The following GRID2 variants were observed in gnomAD, a reference collection of about 807,000 sequenced individuals.
GRID2 encodes glutamate ionotropic receptor delta type subunit 2.
In GRID2, 33 loss-of-function variants were observed where a neutral mutation model predicts 114.8. The ratio of observed to expected loss-of-function variants is 0.29; its 90% CI spans 0.22 to 0.38. GRID2 has a LOEUF of 0.38. GRID2 is among the 10% of genes least tolerant of loss of function. The pLI, the probability that GRID2 is intolerant of heterozygous loss-of-function variation, is 1.00. For synonymous variants in GRID2, 505 were observed against 449.9 expected (o/e 1.12, Z -1.55); for missense variants, 1,184 against 1,257.7 (o/e 0.94, Z 0.89).
chr4:93,191,066 G>T (rs933838112), intron 4 of GRID2, among the ~76,000 whole-genome samples: 9 of 151,980 alleles, frequency 5.9e-5, no homozygotes, highest in African/African-American at 2.2e-4. Context: ...AAAAATTTCA[G>T]ATAAAGTTGA....
At chr4:92,661,430 C>A (rs1732514704) in intron 2 of GRID2, among the ~76,000 whole-genome samples, 1 of 150,798 alleles carries the variant, frequency 6.6e-6, no homozygotes, top group Admixed American at 6.6e-5. Flanking sequence ...AATGAAACAG[C>A]TTTACCATAA....
intron 2 of GRID2, among the ~76,000 whole-genome samples, chr4:92,783,507 A>T (rs1023817781): frequency 2.0e-5 from 3 of 152,124 alleles, no homozygotes; most frequent in African/African-American, 4.8e-5. Flanking sequence ...AATATTAAGA[A>T]TATCAAATCA....
intron 2 of GRID2, among the ~76,000 whole-genome samples, chr4:92,698,059 T>C (rs1430675450): frequency 6.6e-6 from 1 of 152,164 alleles, no homozygotes; most frequent in South Asian, 2.1e-4. Context: ...AAATGCATAG[T>C]AACAAACCTC....
intron 2 of GRID2, among the ~76,000 whole-genome samples, chr4:92,870,619 A>T (rs371556944): frequency 2.0e-5 from 3 of 152,122 alleles, no homozygotes; most frequent in Non-Finnish European, 4.4e-5. Flanking sequence ...AACAGGAATT[A>T]TTTTAAAAAG....
intron 2 of GRID2, among the ~76,000 whole-genome samples, chr4:92,908,428 T>C (rs1354563957): frequency 6.6e-6 from 1 of 152,008 alleles, no homozygotes; most frequent in South Asian, 2.1e-4. Context: ...AAAAGCAAGA[T>C]AGAGCTTTCT....
intron 14 of GRID2, among the ~76,000 whole-genome samples, chr4:93,687,667 T>G (rs1260252245): frequency 6.6e-6 from 1 of 151,848 alleles, no homozygotes; most frequent in Non-Finnish European, 1.5e-5. Flanking sequence ...TTGGGGAGAA[T>G]AGTGAGGATA....
chr4:93,361,218 G>A (rs901535059), intron 8 of GRID2, among the ~76,000 whole-genome samples: 1 of 152,008 alleles, frequency 6.6e-6, no homozygotes, highest in Non-Finnish European at 1.5e-5. Flanking sequence ...GTTGAGTGAA[G>A]CAGAGGGAAT....
At chr4:92,982,513 C>T (rs1205323464) in intron 2 of GRID2, among the ~76,000 whole-genome samples, 2 of 152,064 alleles carry the variant, frequency 1.3e-5, no homozygotes, top group Non-Finnish European at 2.9e-5. Flanking sequence ...CCCATTTTAT[C>T]AGTTTACACA....
chr4:92,576,674 G>C (rs1160709100), intron 1 of GRID2, among the ~76,000 whole-genome samples: 1 of 152,160 alleles, frequency 6.6e-6, no homozygotes, highest in Non-Finnish European at 1.5e-5. Context: ...TCAGACACTG[G>C]TGGCATGGGC....
At chr4:93,777,406 C>T (rs186931391), downstream of GRID2, among the ~76,000 whole-genome samples, 41 of 152,248 alleles carry the variant, frequency 2.7e-4, no homozygotes, top group Admixed American at 7.2e-4. Context: ...TCTTGACTTG[C>T]TACAATTTAG....
chr4:93,527,146 A>T (rs1730992018), intron 13 of GRID2, among the ~76,000 whole-genome samples: 1 of 152,140 alleles, frequency 6.6e-6, no homozygotes, highest in Admixed American at 6.5e-5. Flanking sequence ...TCAACTGCTA[A>T]ATTCAATTCT....
intron 2 of GRID2, among the ~76,000 whole-genome samples, chr4:93,068,882 G>T (rs769947350): frequency 6.6e-6 from 1 of 152,082 alleles, no homozygotes; most frequent in South Asian, 2.1e-4. Context: ...TTGGCTCATG[G>T]TTCTGCAGGC....
chr4:93,036,504 A>C (rs183567656), intron 2 of GRID2, among the ~76,000 whole-genome samples: 3 of 152,314 alleles, frequency 2.0e-5, no homozygotes, highest in Admixed American at 6.5e-5. Flanking sequence ...CATATTAATG[A>C]AAATCAAAAT....
At chr4:92,607,713 G>C (rs1729526406) in intron 2 of GRID2, among the ~76,000 whole-genome samples, 1 of 151,852 alleles carries the variant, frequency 6.6e-6, no homozygotes, top group Non-Finnish European at 1.5e-5. Flanking sequence ...GGTCTTACAA[G>C]ATGTGATCAG....
At chr4:92,504,875 C>T (rs1426469967) in intron 1 of GRID2, among the ~76,000 whole-genome samples, 1 of 151,702 alleles carries the variant, frequency 6.6e-6, no homozygotes, top group African/African-American at 2.4e-5. Flanking sequence ...CTACATGAGC[C>T]AATAATATTC....
At chr4:93,625,124 G>A (rs115602887) in intron 13 of GRID2, among the ~76,000 whole-genome samples, 3,792 of 152,284 alleles carry the variant, frequency 0.025, 171 homozygotes, top group African/African-American at 0.087. Flanking sequence ...AGTTGTACTT[G>A]CAGCTTTCAT....
At chr4:93,713,757 A>G (rs1728681366) in intron 14 of GRID2, among the ~76,000 whole-genome samples, 8 of 152,076 alleles carry the variant, frequency 5.3e-5, no homozygotes, top group Admixed American at 4.6e-4. Context: ...TGAATGTCCT[A>G]ATTTACTAGT....
chr4:93,546,249 C>G (rs140360900), intron 13 of GRID2, among the ~76,000 whole-genome samples: 5 of 152,068 alleles, frequency 3.3e-5, no homozygotes, highest in Non-Finnish European at 7.3e-5. Context: ...GATGCTTATT[C>G]GAGCGCCAAG....
intron 2 of GRID2, among the ~76,000 whole-genome samples, chr4:92,991,600 T>C (rs377427682): frequency 6.6e-6 from 1 of 152,206 alleles, no homozygotes; most frequent in South Asian, 2.1e-4. Flanking sequence ...TTGCTAAGTA[T>C]AGGATAGGCA....
Sources: allele counts gnomAD v4.1 joint callset (sites outside exome capture counted in the v4.1 genomes callset), GRCh38; gene constraint gnomAD v4.1.1; transcripts MANE v1.5; gene names NCBI Gene and HGNC (gene_info 2026-07-23, HGNC 2026-07-21).